The following PNLIPRP3 variants were observed in gnomAD, a reference collection of about 807,000 sequenced individuals.
PNLIPRP3 encodes pancreatic lipase related protein 3, also known as pancreatic lipase-related protein 3.
PNLIPRP3 carries 58 observed loss-of-function variants against 52.8 expected under a neutral mutation model. The observed-to-expected ratio is 1.10, with a 90% CI of 0.89 to 1.37. PNLIPRP3 has a LOEUF of 1.37. Among genes scored for constraint, PNLIPRP3 ranks in the 40% most tolerant of loss-of-function variants. PNLIPRP3 has a pLI of 0.00. For missense variants in PNLIPRP3, 593 were observed against 561.6 expected, an observed-to-expected ratio of 1.06 and a Z score of -0.57; for synonymous variants, 192 against 185.0, an observed-to-expected ratio of 1.04 and a Z score of -0.31.
Position 116,466,155 on chromosome 10 carries a change from C to T in PNLIPRP3, c.914C>T (p.Thr305Ile), listed in dbSNP as rs768155013. The T allele has an allele frequency of 2.5e-5, 40 of 1,599,596 alleles. 2 individuals are homozygous for T. In the South Asian group the frequency reaches 4.3e-4, roughly 17 times the overall value. The change falls in exon 8 of 12, where the codon ACA becomes ATA. Residue 305 changes from threonine (T) to isoleucine (I), a missense_variant. Transcript: ENST00000369230. ...AFIAYPCRSY[T>I]SFKAGNCFFC... ...ATTGCTTATCCTTGTAGATCCTACA[C>T]ATCTTTTAAAGCAGTAAGTAAATCA...
intron 4 of PNLIPRP3, among the ~76,000 whole-genome samples, chr10:116,454,119 C>CT (rs529943963): frequency 1.1e-3 from 166 of 149,076 alleles, no homozygotes; most frequent in South Asian, 0.011. Context: ...TGATCTCATT[C>CT]TTTTTTTTTT....
At chr10:116,465,192 A>C (rs1348303900) in intron 7 of PNLIPRP3, among the ~76,000 whole-genome samples, 1 of 152,094 alleles carries the variant, frequency 6.6e-6, no homozygotes, top group African/African-American at 2.4e-5. Context: ...GCTCAGAATG[A>C]GGGAGGTGTT....
chr10:116,442,158 C>T (rs1845867908), intron 2 of PNLIPRP3, among the ~76,000 whole-genome samples: 1 of 152,152 alleles, frequency 6.6e-6, no homozygotes, highest in South Asian at 2.1e-4. Context: ...ATTGCTTATA[C>T]TTGTGCCTTT....
intron 4 of PNLIPRP3, among the ~76,000 whole-genome samples, chr10:116,452,870 A>G (rs1362898145): frequency 1.3e-5 from 2 of 152,260 alleles, no homozygotes; most frequent in African/African-American, 4.8e-5. Flanking sequence ...GAGAAACTCT[A>G]CTAAGGCAAT....
intron 2 of PNLIPRP3, chr10:116,439,875 T>G (rs1248988882): frequency 1.3e-6 from 1 of 789,838 alleles, no homozygotes; most frequent in Non-Finnish European, 2.3e-6. Context: ...CAAATTTAGA[T>G]TTCTCTTTCC....
chr10:116,475,055 T>A (rs1243321002), intron 10 of PNLIPRP3, among the ~76,000 whole-genome samples: 2 of 152,156 alleles, frequency 1.3e-5, no homozygotes. Flanking sequence ...AATGACAGAC[T>A]GGATAAAGAA....
chr10:116,467,851 C>T (rs980109972), intron 8 of PNLIPRP3, among the ~76,000 whole-genome samples: 10 of 151,980 alleles, frequency 6.6e-5, no homozygotes, highest in African/African-American at 1.9e-4. Flanking sequence ...GTCGGCCGGG[C>T]GCGGTGGCTC....
At chr10:116,451,571 GA>G (rs1479972487) in intron 4 of PNLIPRP3, among the ~76,000 whole-genome samples, 3 of 152,126 alleles carry the variant, frequency 2.0e-5, no homozygotes, top group Non-Finnish European at 2.9e-5. Context: ...TCTTGATGAT[GA>G]GTGAGTTCTT....
chr10:116,444,401 A>G lies in PNLIPRP3; in HGVS notation c.344A>G (p.Asp115Gly), dbSNP rs1845911973. Residue 115 changes from aspartate (D) to glycine (G), a missense_variant, in exon 4 of 12, where the codon GAT becomes GGT. Physicochemically the swap from Asp to Gly is moderately conservative, Grantham distance 94. Coordinates refer to ENST00000369230, the MANE Select transcript of PNLIPRP3 (RefSeq NM_001011709.3). Reference sequence around the variant, plus strand: ...TGCCAGGTGTTGCTACAGCTGGAAGATATAAATTGCATTAATTTAGATTGG... The same window carrying G: ...TGCCAGGTGTTGCTACAGCTGGAAGGTATAAATTGCATTAATTTAGATTGG... ...DMCNVLLQLE[D>G]INCINLDWIN... 6.2e-7 allele frequency: 1 copy of G among 1,610,118 alleles called. No individual in the cohort carries two copies. Among genetic ancestry groups the G allele is most frequent in the Non-Finnish European group, 8.5e-7 (1 of 1,177,630 alleles).
intron 1 of PNLIPRP3, among the ~76,000 whole-genome samples, chr10:116,433,461 T>C (rs528386940): frequency 1.3e-5 from 2 of 152,326 alleles, no homozygotes; most frequent in African/African-American, 4.8e-5. Flanking sequence ...TCAAAGTTTC[T>C]GATAATTAAA....
At chr10:116,439,621 T>C in intron 2 of PNLIPRP3, 1 of 769,600 alleles carries the variant, frequency 1.3e-6, no homozygotes, top group East Asian at 2.4e-5. Context: ...ACCTTAGTGA[T>C]GTAAGGCTGC....
At chr10:116,475,329 T>A (rs1354693913) in intron 10 of PNLIPRP3, among the ~76,000 whole-genome samples, 1 of 152,128 alleles carries the variant, frequency 6.6e-6, no homozygotes, top group Non-Finnish European at 1.5e-5. Flanking sequence ...AAATAACTAA[T>A]GGGTACTAGG....
intron 5 of PNLIPRP3, among the ~76,000 whole-genome samples, chr10:116,459,545 T>C (rs1478018704): frequency 6.6e-6 from 1 of 152,156 alleles, no homozygotes; most frequent in Non-Finnish European, 1.5e-5. Flanking sequence ...CCAAACTCCT[T>C]GACATGGCTC....
intron 2 of PNLIPRP3, chr10:116,440,105 A>G: frequency 1.5e-6 from 1 of 664,702 alleles, no homozygotes; most frequent in Non-Finnish European, 2.7e-6. Context: ...ATCTATGTAG[A>G]ATACAAGTAT....
chr10:116,432,221 C>G (rs1261508217), intron 1 of PNLIPRP3, among the ~76,000 whole-genome samples: 1 of 152,116 alleles, frequency 6.6e-6, no homozygotes, highest in African/African-American at 2.4e-5. Context: ...ATTATCGAAC[C>G]TACTTTCCAG....
At chr10:116,474,196 A>G (rs1472666870) in intron 10 of PNLIPRP3, among the ~76,000 whole-genome samples, 1 of 152,214 alleles carries the variant, frequency 6.6e-6, no homozygotes, top group African/African-American at 2.4e-5. Context: ...GCAATGGGGA[A>G]AGAATCCCCT....
chr10:116,451,868 G>C (rs1589982406), intron 4 of PNLIPRP3, among the ~76,000 whole-genome samples: 1 of 152,320 alleles, frequency 6.6e-6, no homozygotes, highest in East Asian at 1.9e-4. Flanking sequence ...AAAGGAGCAG[G>C]GCATTGCTAT....
At chr10:116,471,971 T>A (rs1846380895) in intron 10 of PNLIPRP3, 92 bp downstream of exon 10, 5 of 695,146 alleles carry the variant, frequency 7.2e-6, no homozygotes, top group Non-Finnish European at 1.2e-5. Flanking sequence ...AGTCTTCTCT[T>A]TTCCTACAAT....
At chr10:116,449,998 C>A in intron 4 of PNLIPRP3, among the ~76,000 whole-genome samples, 1 of 152,074 alleles carries the variant, frequency 6.6e-6, no homozygotes, top group East Asian at 1.9e-4. Flanking sequence ...TTTAAACAAC[C>A]AATGGGTCAA....
Sources: gnomAD v4.1 joint callset for allele counts (sites outside exome capture counted in the v4.1 genomes callset) on GRCh38, gnomAD v4.1.1 for gene constraint, MANE v1.5 for transcripts, NCBI Gene and HGNC (gene_info 2026-07-23, HGNC 2026-07-21) for gene names.